CCNJL: variants seen among roughly 807,000 people sequenced by gnomAD.
CCNJL encodes cyclin J like, also known as cyclin-J-like protein.
CCNJL carries 33 observed loss-of-function variants against 33.4 expected under a neutral mutation model. The ratio of observed to expected loss-of-function variants is 0.99; its 90% CI spans 0.75 to 1.32. The LOEUF is 1.32. CCNJL is among the 40% of genes most tolerant of loss of function. The pLI is 0.00. For synonymous variants in CCNJL, 227 were observed against 220.9 expected, an observed-to-expected ratio of 1.03 and a Z score of -0.24; for missense variants, 512 against 499.7, an observed-to-expected ratio of 1.02 and a Z score of -0.23.
chr5:160,291,705 C>G (rs538797761), intron 2 of CCNJL, among the ~76,000 whole-genome samples: 1 of 152,178 alleles, frequency 6.6e-6, no homozygotes, highest in East Asian at 1.9e-4. Flanking sequence ...AAAAGCTTGC[C>G]GAGATTAAGA....
intron 3 of CCNJL, among the ~76,000 whole-genome samples, chr5:160,276,981 C>G (rs983118586): frequency 4.6e-5 from 7 of 152,036 alleles, no homozygotes; most frequent in Non-Finnish European, 7.4e-5. Flanking sequence ...TTAGTAGAGA[C>G]AGGGTTTCTC....
At chr5:160,261,769 C>T (rs1761347144) in intron 3 of CCNJL, among the ~76,000 whole-genome samples, 1 of 152,230 alleles carries the variant, frequency 6.6e-6, no homozygotes, top group South Asian at 2.1e-4. Flanking sequence ...ATTAAACGGA[C>T]TTCCTACACT....
chr5:160,326,986 A>G (rs1055369504), intron 1 of CCNJL: 3 of 558,400 alleles, frequency 5.4e-6, no homozygotes, highest in African/African-American at 1.9e-5. Context: ...ATGAACAATG[A>G]AGTGAGAAAT....
chr5:160,266,637 C>T (rs115502678), intron 3 of CCNJL, among the ~76,000 whole-genome samples: 1 of 152,312 alleles, frequency 6.6e-6, no homozygotes, highest in African/African-American at 2.4e-5. Context: ...TCCCAGGTAA[C>T]ATGACGGGCA....
At chr5:160,329,373 CAG>C (rs1581023236) in intron 1 of CCNJL, among the ~76,000 whole-genome samples, 2 of 139,646 alleles carry the variant, frequency 1.4e-5, no homozygotes, top group East Asian at 4.3e-4. Flanking sequence ...TTTTTTGAGA[CAG>C]AGTCTCGCTC....
intron 1 of CCNJL, among the ~76,000 whole-genome samples, chr5:160,329,002 G>GT (rs1763573453): frequency 6.6e-6 from 1 of 152,156 alleles, no homozygotes; most frequent in Non-Finnish European, 1.5e-5. Flanking sequence ...AGACCATCTG[G>GT]TTCCACAGTC....
chr5:160,267,769 C>T (rs1761667228), intron 3 of CCNJL, among the ~76,000 whole-genome samples: 1 of 152,064 alleles, frequency 6.6e-6, no homozygotes. Flanking sequence ...ACTATGTTGC[C>T]CAGGCTGGTC....
chr5:160,334,392 T>C (rs1433843421), intron 1 of CCNJL, among the ~76,000 whole-genome samples: 2 of 152,198 alleles, frequency 1.3e-5, no homozygotes, highest in African/African-American at 2.4e-5. Flanking sequence ...CACAATAAAA[T>C]GATACAAATC....
chr5:160,284,433 G>A (rs1424817299), intron 2 of CCNJL, among the ~76,000 whole-genome samples: 2 of 150,152 alleles, frequency 1.3e-5, no homozygotes, highest in African/African-American at 2.5e-5. Flanking sequence ...AAAAAAACAA[G>A]ACAGACGTTA....
chr5:160,303,555 A>G (rs1163050722), intron 2 of CCNJL, among the ~76,000 whole-genome samples: 1 of 151,610 alleles, frequency 6.6e-6, no homozygotes, highest in African/African-American at 2.4e-5. Flanking sequence ...ATAAAAATGT[A>G]TTGTGATGAC....
rs768794808 is a variant in CCNJL at position 160,253,779 on chromosome 5, T to A, written c.763A>T (p.Lys255Ter). 3 of 1,519,878 alleles carry A rather than the reference T, an allele frequency of 2.0e-6. No homozygotes were observed. The highest frequency in any genetic ancestry group is 2.6e-6 in the Non-Finnish European group (3 of 1,137,892). The allele number at this position is 1,519,878 out of a possible 1,614,324, so 94.1% of individuals were successfully genotyped here. A position where few individuals can be genotyped will look rare whatever the true frequency, so the allele number is the denominator to read the frequency against. ...ILLVVYDNVL[K>*]DAVAVKSQAL... ...TGGCTCTTGACGGCTACGGCATCCT[T>A]GAGGACGTTGTCATACACTCTGAAA... The change falls in exon 6 of 6, where the codon AAG (lysine) becomes TAG (stop). Residue 255 changes from lysine (K) to a stop codon, truncating the protein, a stop_gained. Coordinates refer to ENST00000257536, the MANE Select transcript of CCNJL (RefSeq NM_001308173.3). LOFTEE classifies it high-confidence loss of function.
Position 160,264,697 on chromosome 5 carries a change from T to C in CCNJL, c.281-4926A>G, listed in dbSNP as rs1371096834. ...AGAACTCTTTTCATCCTGCTGAAAC[T>C]CTGTCCCCATTAAACAATAATTCCT... On this transcript the variant is annotated intron_variant, in intron 3 of 5. Coordinates refer to ENST00000257536, the MANE Select transcript of CCNJL (RefSeq NM_001308173.3). Among the ~76,000 whole-genome samples the C allele has an allele frequency of 2.0e-5, 3 of 152,172 alleles. No homozygotes were observed. The East Asian group carries it at 5.8e-4, about 29-fold the overall frequency.
chr5:160,259,733 C>T lies in CCNJL; in HGVS notation c.319G>A (p.Glu107Lys). ...AGGATCCTCGTGCTGTTTATTTGCT[C>T]CAACTTGGGGACGTGGTCTTCCCGA... The part of the protein sequence containing the change: ...EDREDHVPKL[E>K]QINSTRILSS... The change falls in exon 4 of 6, where the codon GAG becomes AAG. Residue 107 changes from glutamate to lysine, a missense_variant. Physicochemically the swap from Glu to Lys is moderately conservative, Grantham distance 56 (BLOSUM62 1). Coordinates refer to ENST00000257536, the MANE Select transcript of CCNJL (RefSeq NM_001308173.3). The T allele has an allele frequency of 6.2e-7, 1 of 1,613,342 alleles. No homozygotes were observed. The highest frequency in any genetic ancestry group is 8.5e-7 in the Non-Finnish European group (1 of 1,179,396).
intron 2 of CCNJL, among the ~76,000 whole-genome samples, chr5:160,290,965 T>G (rs1365636417): frequency 6.9e-6 from 1 of 144,278 alleles, no homozygotes; most frequent in Non-Finnish European, 1.5e-5. Flanking sequence ...TTGCAACACT[T>G]TGGGAGGCTG....
chr5:160,273,434 T>C (rs571153827), intron 3 of CCNJL, among the ~76,000 whole-genome samples: 133 of 152,260 alleles, frequency 8.7e-4, no homozygotes, highest in African/African-American at 3.2e-3. Flanking sequence ...TGGAGACTTG[T>C]TGACACCAAA....
upstream of CCNJL, chr5:160,315,437 G>C: frequency 2.2e-6 from 1 of 449,384 alleles, no homozygotes; most frequent in South Asian, 1.6e-5. Context: ...AGCACCAAAG[G>C]TTGAGGCAGC....
Position 160,251,401 on chromosome 5 carries a change from T to C in CCNJL, c.*1977A>G, listed in dbSNP as rs1417302560. 3 of 152,188 alleles carry C rather than the reference T, an allele frequency of 2.0e-5. No homozygotes were observed. 9.4% of individuals were successfully genotyped at this position (152,188 alleles called of 1,614,324 possible). On this transcript the variant is annotated 3_prime_UTR_variant, in exon 6 of 6. Coordinates refer to ENST00000257536, the MANE Select transcript of CCNJL (RefSeq NM_001308173.3). ...TCCTTAAAATAAATCTCTCTCCATA[T>C]ATATCCTACTGGTTTCTTTGGAAAA...
At chr5:160,323,996 G>T (rs551801923) in intron 1 of CCNJL, among the ~76,000 whole-genome samples, 17 of 152,288 alleles carry the variant, frequency 1.1e-4, no homozygotes, top group African/African-American at 4.1e-4. Flanking sequence ...GTGGGCTTGG[G>T]CTGGAGCTAC....
Position 160,311,684 on chromosome 5 carries a change from T to A in CCNJL, c.66+174A>T, listed in dbSNP as rs147826528. On this transcript the variant is annotated intron_variant, in intron 2 of 5. Coordinates refer to ENST00000257536, the MANE Select transcript of CCNJL (RefSeq NM_001308173.3). The stretch of plus-strand genomic sequence containing the variant: ...ACTTCAATCTCTCCCATCTCCAGTC[T>A]CTAACCCCCGCCCCCCAATTCCGCT... 7.1e-4 allele frequency among the ~76,000 whole-genome samples: 108 copies of A among 152,044 alleles called. No homozygotes were observed. The East Asian group carries it at 0.018, about 26-fold the overall frequency.
Sources: gnomAD v4.1 joint callset for allele counts (sites outside exome capture counted in the v4.1 genomes callset) on GRCh38, gnomAD v4.1.1 for gene constraint, MANE v1.5 for transcripts, NCBI Gene and HGNC (gene_info 2026-07-23, HGNC 2026-07-21) for gene names.